Variants in COL18A1 observed in about 807,000 individuals in gnomAD.
The protein encoded by COL18A1 is collagen type XVIII alpha 1 chain.
COL18A1 carries 133 observed loss-of-function variants against 168.0 expected under a neutral mutation model. That is an observed-to-expected ratio of 0.79 (90% confidence interval 0.69 to 0.91). COL18A1 has a LOEUF of 0.91. Ranked by LOEUF, COL18A1 falls within the 40% of genes least tolerant of loss-of-function variation. The probability of loss-of-function intolerance (pLI) is 0.00; values close to 1 mark genes in which losing one functional copy is unlikely to be tolerated. For missense variants in COL18A1, 2,126 were observed against 1,925.4 expected, an observed-to-expected ratio of 1.10 and a Z score of -1.95; for synonymous variants, 949 against 809.0, an observed-to-expected ratio of 1.17 and a Z score of -2.94.
At chr21:45,426,064 G>C (rs560639502) in intron 2 of COL18A1, among the ~76,000 whole-genome samples, 1 of 152,110 alleles carries the variant, frequency 6.6e-6, no homozygotes, top group Non-Finnish European at 1.5e-5. Flanking sequence ...TGGCTGGGGC[G>C]TAAGTGAATT....
intron 2 of COL18A1, among the ~76,000 whole-genome samples, chr21:45,455,123 A>G (rs957415193): frequency 6.6e-6 from 1 of 152,198 alleles, no homozygotes; most frequent in Admixed American, 6.5e-5. Context: ...TCCAGGTCAG[A>G]GGGGGAGCAG....
Position 45,480,861 on chromosome 21 carries a change from A to G in COL18A1, c.1611+3A>G, listed in dbSNP as rs896948898. The G allele has an allele frequency of 1.2e-6, 2 of 1,609,790 alleles. No homozygotes were observed. The highest frequency in any genetic ancestry group is 1.7e-6 in the Non-Finnish European group (2 of 1,179,092). On this transcript the variant is annotated splice_donor_region_variant and intron_variant, in intron 13 of 41. Coordinates refer to ENST00000651438, the MANE Select transcript of COL18A1 (RefSeq NM_001379500.1). Reference sequence around the variant, plus strand: ...CCCCCGGGTTTCCTGGCCTCCCGGTAAGTCCTGCCTCCACCGTCAGTGTCG... The same window carrying G: ...CCCCCGGGTTTCCTGGCCTCCCGGTGAGTCCTGCCTCCACCGTCAGTGTCG...
chr21:45,419,468 T>A (rs1392221936), intron 2 of COL18A1, among the ~76,000 whole-genome samples: 3 of 152,182 alleles, frequency 2.0e-5, no homozygotes, highest in Non-Finnish European at 4.4e-5. Flanking sequence ...TCTGGCTTCC[T>A]GGGGCCACTG....
intron 2 of COL18A1, chr21:45,455,583 T>C: frequency 6.2e-7 from 1 of 1,613,944 alleles, no homozygotes; most frequent in South Asian, 1.1e-5. Flanking sequence ...TTCTGCTGCC[T>C]GGCGGCTGCC....
chr21:45,481,107 C>T (rs1481106244), intron 13 of COL18A1, among the ~76,000 whole-genome samples: 2 of 152,224 alleles, frequency 1.3e-5, no homozygotes, highest in East Asian at 1.9e-4. Flanking sequence ...AGGCCTCCGA[C>T]CTCTCTGGCC....
At chr21:45,455,453 G>C in intron 2 of COL18A1, 2 of 1,591,386 alleles carry the variant, frequency 1.3e-6, no homozygotes, top group Admixed American at 3.3e-5. Context: ...GGGAGGGCAG[G>C]AGGGCGTGAG....
In COL18A1 at chr21:45,471,206, C is replaced by T. The variant is rs576373396; in HGVS notation, c.651+2420C>T. 1.3e-4 allele frequency among the ~76,000 whole-genome samples: 20 copies of T among 152,216 alleles called. No homozygotes were observed. Among genetic ancestry groups the T allele is most frequent in the African/African-American group, 4.8e-4 (20 of 41,526 alleles). ...TGGGTGGCGCGCTATGGGCCGTGTGCTGAGGGCTGTGTTGGTTGATCTCTG... is the reference window on the plus strand; with the variant it reads ...TGGGTGGCGCGCTATGGGCCGTGTGTTGAGGGCTGTGTTGGTTGATCTCTG... On this transcript the variant is annotated intron_variant, in intron 3 of 41. Transcript: ENST00000651438. The surrounding 1 kb of genome is among the most constrained non-coding windows in gnomAD (Gnocchi z 4.4).
At chr21:45,456,194 T>TC in intron 2 of COL18A1, 2 of 1,601,772 alleles carry the variant, frequency 1.2e-6, no homozygotes, top group Non-Finnish European at 1.7e-6. Flanking sequence ...TTCTCTCTCC[T>TC]CCTTGCTGGG....
Position 45,509,381 on chromosome 21 carries a change from C to G in COL18A1, c.3275C>G (p.Pro1092Arg), listed in dbSNP as rs1402785420. Residue 1092 changes from proline (P) to arginine (R), a missense_variant, in exon 39 of 42, where the codon CCC (proline) becomes CGC (arginine). Physicochemically the swap from Pro to Arg is moderately radical, Grantham distance 103. Transcript: ENST00000651438. The part of the protein sequence containing the change: ...GTDNEVAALQ[P>R]PVVQLHDSNP... ...GACAATGAAGTGGCCGCCTTGCAGC[C>G]CCCCGTGGTGCAGCTGCACGACAGC... 1 of 1,540,070 alleles carries G rather than the reference C, an allele frequency of 6.5e-7. No individual in the cohort carries two copies. The highest frequency in any genetic ancestry group is 2.4e-5 in the East Asian group (1 of 41,046).
chr21:45,476,722 T>C (rs575723999), intron 6 of COL18A1, among the ~76,000 whole-genome samples: 70 of 150,882 alleles, frequency 4.6e-4, no homozygotes, highest in Non-Finnish European at 8.3e-4. Context: ...ATGTAGTGTG[T>C]ATGGTGCATG....
chr21:45,430,668 G>A lies in COL18A1; in HGVS notation c.106+25195G>A, dbSNP rs181478866. 7.0e-4 allele frequency among the ~76,000 whole-genome samples: 107 copies of A among 152,298 alleles called. 1 individual carries two copies. Among genetic ancestry groups the A allele is most frequent in the African/African-American group, 2.4e-3 (99 of 41,542 alleles). On this transcript the variant is annotated intron_variant, in intron 2 of 41. Coordinates refer to ENST00000651438, the MANE Select transcript of COL18A1 (RefSeq NM_001379500.1). The stretch of plus-strand genomic sequence containing the variant: ...CAAGAATGTGGAGATGGCGCGTCTC[G>A]GCCCGGGGTCTCGTGGCTGGTCTGG...
chr21:45,452,499 G>A (rs2145841448), intron 2 of COL18A1, among the ~76,000 whole-genome samples: 2 of 146,946 alleles, frequency 1.4e-5, no homozygotes, highest in East Asian at 2.0e-4. Context: ...ATGCATGTGT[G>A]TATTCACGTG....
intron 38 of COL18A1, among the ~76,000 whole-genome samples, chr21:45,508,810 G>A (rs1430022798): frequency 6.6e-6 from 1 of 152,140 alleles, no homozygotes; most frequent in Non-Finnish European, 1.5e-5. Context: ...ACACAGCCTG[G>A]CCCTGTGGAG....
intron 6 of COL18A1, among the ~76,000 whole-genome samples, chr21:45,476,709 T>C (rs1416371464): frequency 6.6e-6 from 1 of 151,374 alleles, no homozygotes; most frequent in Non-Finnish European, 1.5e-5. Context: ...TTATGTGATG[T>C]GTATGTAGTG....
chr21:45,452,357 A>G (rs200162250), intron 2 of COL18A1, among the ~76,000 whole-genome samples: 3,492 of 116,608 alleles, frequency 0.03, 58 homozygotes, highest in Middle Eastern at 0.082. Context: ...ACTCTGTGAC[A>G]TGTGTAAGCA....
rs1034231115 is a variant in COL18A1 at position 45,493,334 on chromosome 21, G to A, written c.2277+109G>A. ...GACCTGGGACCCCCCGGCTGCTGCTGTGACACGTGAGGGGTACATCCCTGC... is the reference window on the plus strand; with the variant it reads ...GACCTGGGACCCCCCGGCTGCTGCTATGACACGTGAGGGGTACATCCCTGC... On this transcript the variant is annotated intron_variant, in intron 25 of 41. Transcript: ENST00000651438. The A allele has an allele frequency of 5.2e-6, 7 of 1,357,948 alleles. No individual in the cohort carries two copies. In the African/African-American group the frequency reaches 8.7e-5, roughly 17 times the overall value. The allele number at this position is 1,357,948 out of a possible 1,614,324, so 84.1% of individuals were successfully genotyped here. A position where few individuals can be genotyped will look rare whatever the true frequency, so the allele number is the denominator to read the frequency against.
chr21:45,508,055 A>G (rs1602635878), intron 38 of COL18A1, among the ~76,000 whole-genome samples: 1 of 138,910 alleles, frequency 7.2e-6, no homozygotes, highest in Admixed American at 7.1e-5. Context: ...GTAGATGGGG[A>G]GGTGGATGGA....
chr21:45,496,108 ATGCCCTCC>A (rs1568928549), intron 29 of COL18A1: 13 of 390,112 alleles, frequency 3.3e-5, no homozygotes, highest in African/African-American at 1.5e-4. Context: ...CATGCCCTCC[ATGCCCTCC>A]AAGCCCTCCA....
Position 45,476,454 on chromosome 21 carries a change from A to T in COL18A1, c.902A>T (p.Glu301Val), listed in dbSNP as rs1357547160. 2.5e-6 allele frequency: 4 copies of T among 1,613,158 alleles called. No individual in the cohort carries two copies. The African/African-American group carries it at 5.3e-5, about 22-fold the overall frequency. ...TEDSRSEEVE[E>V]QTTVASLGAQ... ...GATTCCAGAAGTGAAGAAGTCGAGGAGCAGACCACGGTGGCTTCGTTAGGA... is the reference window on the plus strand; with the variant it reads ...GATTCCAGAAGTGAAGAAGTCGAGGTGCAGACCACGGTGGCTTCGTTAGGA... Residue 301 changes from glutamate to valine, a missense_variant, in exon 6 of 42, where the codon GAG becomes GTG. Coordinates refer to ENST00000651438, the MANE Select transcript of COL18A1 (RefSeq NM_001379500.1).
Sources: gnomAD v4.1 joint callset for allele counts (sites outside exome capture counted in the v4.1 genomes callset) on GRCh38, gnomAD v4.1.1 for gene constraint, Gnocchi (gnomAD v3.1) non-coding constraint, MANE v1.5 for transcripts, NCBI Gene and HGNC (gene_info 2026-07-23, HGNC 2026-07-21) for gene names.